Variants in PNPLA1 observed in about 807,000 individuals in gnomAD.
PNPLA1 encodes omega-hydroxyceramide transacylase.
Under a neutral mutation model 51.7 loss-of-function variants are expected in PNPLA1, and 36 were observed. That is an observed-to-expected ratio of 0.70 (90% CI 0.53 to 0.92). The LOEUF is 0.92. Ranked by LOEUF, PNPLA1 falls within the 40% of genes least tolerant of loss-of-function variation. PNPLA1 has a pLI of 0.00. For synonymous variants in PNPLA1, 293 were observed against 280.1 expected (o/e 1.05, Z -0.46); for missense variants, 658 against 682.5 (o/e 0.96, Z 0.40).
At position 36,270,484 on chromosome 6, in the gene PNPLA1, G is replaced by A. The variant is rs1769877638; in HGVS notation, c.25G>A (p.Asp9Asn). The change falls in exon 1 of 9, where the codon GAC becomes AAC. Residue 9 changes from aspartate to asparagine, a missense_variant. Asp to Asn is a conservative substitution (Grantham distance 23). Coordinates refer to ENST00000636260, the MANE Select transcript of PNPLA1 (RefSeq NM_001374623.1). MEEQVFKG[D>N]PDTPHSISFS... The stretch of plus-strand genomic sequence containing the variant: ...GATGGAAGAACAGGTGTTCAAGGGG[G>A]ACCCGGACACCCCTCACTCCATCTC... 1.9e-6 allele frequency: 3 copies of A among 1,551,302 alleles called. No individual in the cohort carries two copies. Among genetic ancestry groups the A allele is most frequent in the South Asian group, 2.4e-5 (2 of 84,070 alleles).
chr6:36,287,318 AGAG>A (rs1027212124), intron 1 of PNPLA1, among the ~76,000 whole-genome samples: 6 of 152,028 alleles, frequency 3.9e-5, no homozygotes, highest in Admixed American at 1.3e-4. Context: ...GGCTATTGTG[AGAG>A]GAGGAGGAGA....
At chr6:36,307,819 C>T in intron 8 of PNPLA1, 107 bp downstream of exon 8, 1 of 1,390,236 alleles carries the variant, frequency 7.2e-7, no homozygotes, top group Non-Finnish European at 9.6e-7. Context: ...GTAGGGGGTG[C>T]AGTGGGAGAT....
In PNPLA1 at chr6:36,294,087, G is replaced by A; in HGVS notation, c.505-103G>A. 1.5e-6 allele frequency: 2 copies of A among 1,330,558 alleles called. No homozygotes were observed. The highest frequency in any genetic ancestry group is 2.8e-5 in the South Asian group (2 of 72,354). 82.4% of individuals were successfully genotyped at this position (1,330,558 alleles called of 1,614,324 possible). The stretch of plus-strand genomic sequence containing the variant: ...GGGGTCTTCTGGATCTTCCTTGATG[G>A]GCCCTTGAAGCTGGTGCCATATCCC... On this transcript the variant is annotated intron_variant, in intron 3 of 8. Coordinates refer to ENST00000636260, the MANE Select transcript of PNPLA1 (RefSeq NM_001374623.1). The surrounding 1 kb of genome is among the most constrained non-coding windows in gnomAD (Gnocchi z 4.2).
Position 36,294,508 on chromosome 6 carries a change from A to G in PNPLA1, c.714+109A>G, listed in dbSNP as rs1770799070. 9.5e-7 allele frequency: 1 copy of G among 1,049,208 alleles called. No individual in the cohort carries two copies. The highest frequency in any genetic ancestry group is 1.6e-5 in the African/African-American group (1 of 63,360). The allele number at this position is 1,049,208 out of a possible 1,614,324, so 65.0% of individuals were successfully genotyped here. A position where few individuals can be genotyped will look rare whatever the true frequency, so the allele number is the denominator to read the frequency against. The stretch of plus-strand genomic sequence containing the variant: ...GTTCCATCTGAGTCTCCTCCCCTCA[A>G]ATGGTCCTTTAAACTTCCTCCTAGA... On this transcript the variant is annotated intron_variant, in intron 4 of 8. Transcript: ENST00000636260. The surrounding 1 kb of genome is among the most constrained non-coding windows in gnomAD (Gnocchi z 4.2).
intron 1 of PNPLA1, 147 bp downstream of exon 1, chr6:36,270,811 T>G: frequency 1.0e-6 from 1 of 969,666 alleles, no homozygotes; most frequent in Non-Finnish European, 1.5e-6. Context: ...TGGAGTAGGA[T>G]AGCGGCAGCT....
At chr6:36,295,527 C>A in intron 5 of PNPLA1, 103 bp downstream of exon 5, 1 of 1,247,806 alleles carries the variant, frequency 8.0e-7, no homozygotes, top group Non-Finnish European at 1.2e-6. Context: ...GATTTGTGAC[C>A]CGGAGACGCC....
At chr6:36,259,856 T>A (rs1051441419) in intron 1 of PNPLA1, among the ~76,000 whole-genome samples, 1 of 151,442 alleles carries the variant, frequency 6.6e-6, no homozygotes, top group South Asian at 2.1e-4. Flanking sequence ...AGGGCAAGAG[T>A]TCAAAAACTA....
chr6:36,296,214 T>C (rs1288842902), intron 5 of PNPLA1, among the ~76,000 whole-genome samples: 1 of 152,170 alleles, frequency 6.6e-6, no homozygotes, highest in Admixed American at 6.5e-5. Flanking sequence ...AGATCAAGGC[T>C]GTAGCGAGCC....
At chr6:36,295,684 T>C (rs1324172285) in intron 5 of PNPLA1, among the ~76,000 whole-genome samples, 1 of 152,220 alleles carries the variant, frequency 6.6e-6, no homozygotes, top group Admixed American at 6.5e-5. Flanking sequence ...GTTGTGCATG[T>C]ATGCTTATGA....
At chr6:36,243,196 C>G (rs547109947), upstream of PNPLA1, 13 of 152,282 alleles carry the variant, frequency 8.5e-5, no homozygotes, top group Admixed American at 8.5e-4. Flanking sequence ...GGGGAGCCCA[C>G]ATTGGAGGGC....
intron 1 of PNPLA1, among the ~76,000 whole-genome samples, chr6:36,275,786 C>T (rs74612643): frequency 0.018 from 2,679 of 152,124 alleles, 83 homozygotes; most frequent in African/African-American, 0.059. Context: ...GCTGGGCTTT[C>T]GACTGAAATT....
At chr6:36,295,516 A>G in intron 5 of PNPLA1, 92 bp downstream of exon 5, 1 of 1,389,084 alleles carries the variant, frequency 7.2e-7, no homozygotes, top group East Asian at 2.3e-5. Flanking sequence ...TATTCCCCCC[A>G]GATTTGTGAC....
rs143105925 is a variant in PNPLA1 at position 36,256,916 on chromosome 6, A to C, written c.-81+13655A>C. Among the ~76,000 whole-genome samples, 704 of 152,312 alleles carry C rather than the reference A, an allele frequency of 4.6e-3. 4 individuals are homozygous for C. Among genetic ancestry groups the C allele is most frequent in the African/African-American group, 0.012 (504 of 41,568 alleles). ...ATTAAAGCTTAAATACCCTCTTCAT[A>C]GGGGAGAGGAAGTGGGGGGATATAG... On this transcript the variant is annotated intron_variant, in intron 1 of 7. Transcript: ENST00000312917.
intron 6 of PNPLA1, among the ~76,000 whole-genome samples, chr6:36,303,974 G>A (rs920752528): frequency 5.3e-5 from 8 of 152,212 alleles, no homozygotes; most frequent in Admixed American, 3.9e-4. Context: ...GCTTAAATGG[G>A]CAGGATTTTG....
chr6:36,282,212 G>GGAAGGAAGGGAA (rs1554136650), intron 1 of PNPLA1, among the ~76,000 whole-genome samples: 2 of 108,632 alleles, frequency 1.8e-5, no homozygotes, highest in African/African-American at 6.8e-5. Context: ...AAGGAAGGAA[G>GGAAGGAAGGGAA]GGAAGGAAGG....
At chr6:36,264,020 T>A (rs1041504795) in intron 1 of PNPLA1, among the ~76,000 whole-genome samples, 2 of 152,216 alleles carry the variant, frequency 1.3e-5, no homozygotes, top group African/African-American at 4.8e-5. Flanking sequence ...TGTGCTCTCC[T>A]TTCGTCCCTT....
In PNPLA1 at chr6:36,260,372, G is replaced by A. The variant is rs554895755; in HGVS notation, c.-81+17111G>A. On this transcript the variant is annotated intron_variant, in intron 1 of 7. Coordinates refer to the PNPLA1 transcript ENST00000312917. ...ATATCAGAAACCTTACAACTTGGGG[G>A]GAAAATATATGCCTTAGGATTGAGA... is the stretch of plus-strand genomic sequence containing the variant. 3.9e-5 allele frequency among the ~76,000 whole-genome samples: 6 copies of A among 152,090 alleles called. No individual in the cohort carries two copies. The East Asian group carries it at 7.7e-4, about 20-fold the overall frequency.
Position 36,291,567 on chromosome 6 carries a change from CTGG to C in PNPLA1, c.438+16_438+18del. ...AGCTCATTGAGGCAAGGGGGCTGGG[CTGG>C]GAGGGAGGGACACGGAGGGGGCGGG... On this transcript the variant is annotated intron_variant, in intron 2 of 8. Coordinates refer to ENST00000636260, the MANE Select transcript of PNPLA1 (RefSeq NM_001374623.1). 7.5e-6 allele frequency: 1 copy of C among 132,936 alleles called. No homozygotes were observed. The highest frequency in any genetic ancestry group is 1.6e-5 in the Non-Finnish European group (1 of 63,130). 8.2% of individuals were successfully genotyped at this position (132,936 alleles called of 1,614,324 possible). A position where few individuals can be genotyped will look rare whatever the true frequency, so the allele number is the denominator to read the frequency against.
intron 4 of PNPLA1, 23 bp from the exon 5 acceptor site, chr6:36,295,341 T>C: frequency 6.2e-7 from 1 of 1,614,020 alleles, no homozygotes; most frequent in Non-Finnish European, 8.5e-7. Flanking sequence ...CCTTGGTAAT[T>C]CTCCTGGTGC....
Sources: gnomAD v4.1 joint callset for allele counts (sites outside exome capture counted in the v4.1 genomes callset) on GRCh38, gnomAD v4.1.1 for gene constraint, Gnocchi (gnomAD v3.1) non-coding constraint, MANE v1.5 for transcripts, NCBI Gene and HGNC (gene_info 2026-07-23, HGNC 2026-07-21) for gene names.